The following C11orf65 variants were observed in gnomAD, a reference collection of about 807,000 sequenced individuals.
C11orf65 encodes the protein chromosome 11 open reading frame 65.
In C11orf65, 38 loss-of-function variants were observed where a neutral mutation model predicts 35.3. The ratio of observed to expected loss-of-function variants is 1.08; its 90% CI spans 0.83 to 1.41. C11orf65 has a LOEUF of 1.41. C11orf65 is among the 40% of genes most tolerant of loss of function. The pLI is 0.00. For synonymous variants in C11orf65, 105 were observed against 114.4 expected (o/e 0.92, Z 0.53); for missense variants, 370 against 367.1 (o/e 1.01, Z -0.06).
At chr11:108,401,063 T>C (rs1177002849) in intron 6 of C11orf65, among the ~76,000 whole-genome samples, 1 of 151,640 alleles carries the variant, frequency 6.6e-6, no homozygotes, top group Non-Finnish European at 1.5e-5. Flanking sequence ...GAGCCGAGAT[T>C]GCGCCACTGC....
At chr11:108,323,854 A>G (rs898675593) in intron 6 of C11orf65, among the ~76,000 whole-genome samples, 20 of 152,190 alleles carry the variant, frequency 1.3e-4, no homozygotes, top group African/African-American at 4.6e-4. Context: ...CAACCAAAAC[A>G]TTAAATAATA....
At chr11:108,448,218 G>A (rs900130804) in intron 2 of C11orf65, among the ~76,000 whole-genome samples, 1 of 152,200 alleles carries the variant, frequency 6.6e-6, no homozygotes, top group African/African-American at 2.4e-5. Flanking sequence ...AGGAGGAACT[G>A]GTACCATTCC....
At chr11:108,444,318 A>G (rs757313218) in intron 2 of C11orf65, among the ~76,000 whole-genome samples, 4 of 152,142 alleles carry the variant, frequency 2.6e-5, no homozygotes, top group Non-Finnish European at 5.9e-5. Flanking sequence ...AATTGAGGCA[A>G]TAATTAATAG....
Position 108,310,331 on chromosome 11 carries a change from AT to A in C11orf65, c.641-1261del, listed in dbSNP as rs1350577892. ...AAGAGAAAAGGTAATGGAATTTAGA[AT>A]TTTTGGTTTTTAAAATTAATGTTGG... On this transcript the variant is annotated intron_variant, in intron 6 of 6. Transcript: ENST00000525729. The A allele has an allele frequency of 4.3e-6, 7 of 1,610,140 alleles. No homozygotes were observed. In the African/African-American group the frequency reaches 8.0e-5, roughly 18 times the overall value.
intron 1 of C11orf65, among the ~76,000 whole-genome samples, chr11:108,465,510 T>TA (rs1421372365): frequency 6.6e-6 from 1 of 152,126 alleles, no homozygotes; most frequent in Non-Finnish European, 1.5e-5. Flanking sequence ...TTTGGCCAGA[T>TA]AAAGTCACTA....
At chr11:108,319,287 C>G (rs1313546568) in intron 6 of C11orf65, among the ~76,000 whole-genome samples, 2 of 152,134 alleles carry the variant, frequency 1.3e-5, no homozygotes, top group Non-Finnish European at 2.9e-5. Context: ...CGAGTTGATT[C>G]TTGCTTGCCT....
intron 2 of C11orf65, among the ~76,000 whole-genome samples, chr11:108,370,963 G>A (rs891778108): frequency 1.3e-5 from 2 of 152,044 alleles, no homozygotes; most frequent in African/African-American, 4.8e-5. Flanking sequence ...AGAAAAATCA[G>A]TAATAAAATC....
At chr11:108,457,955 C>G (rs1404737588) in intron 2 of C11orf65, among the ~76,000 whole-genome samples, 1 of 151,994 alleles carries the variant, frequency 6.6e-6, no homozygotes, top group East Asian at 1.9e-4. Flanking sequence ...CTCTTCACAT[C>G]TTAGAACAAT....
intron 6 of C11orf65, among the ~76,000 whole-genome samples, chr11:108,401,160 C>G (rs946374890): frequency 1.3e-5 from 2 of 151,786 alleles, no homozygotes; most frequent in African/African-American, 4.8e-5. Flanking sequence ...CTCCCCTCAC[C>G]AAGCTATTAC....
In C11orf65 at chr11:108,345,912, ATCT is replaced by A. The variant is rs1064794534; in HGVS notation, c.227-10623_227-10621del. On this transcript the variant is annotated intron_variant, in intron 2 of 3. Coordinates refer to the C11orf65 transcript ENST00000524755. ...AGTGTAGCTACTTCTTCTATTGGTA[ATCT>A]TCTTGTACATATAGTAGATTGAGCA... 4 of 1,613,474 alleles carry A rather than the reference ATCT, an allele frequency of 2.5e-6. No individual in the cohort carries two copies. Among genetic ancestry groups the A allele is most frequent in the Admixed American group, 1.7e-5 (1 of 59,988 alleles).
rs151090963 is a variant in C11orf65 at position 108,393,088 on chromosome 11, C to T, written c.731+120G>A. 222 of 1,083,028 alleles carry T rather than the reference C, an allele frequency of 2.0e-4. 2 individuals are homozygous for T. The East Asian group carries it at 4.4e-3, about 21-fold the overall frequency. 67.1% of individuals were successfully genotyped at this position (1,083,028 alleles called of 1,614,324 possible). ...TCTTTCTAGACAAATAATAGATACTCGGGTTTTTTTTTTCTTTGAAGATTG... is the reference window on the plus strand; with the variant it reads ...TCTTTCTAGACAAATAATAGATACTTGGGTTTTTTTTTTCTTTGAAGATTG... On this transcript the variant is annotated intron_variant, in intron 7 of 8. Transcript: ENST00000393084.
At chr11:108,436,885 T>C (rs2093067408) in intron 2 of C11orf65, among the ~76,000 whole-genome samples, 1 of 152,136 alleles carries the variant, frequency 6.6e-6, no homozygotes, top group Admixed American at 6.5e-5. Context: ...TGTGATAATA[T>C]TCTTTGAAAA....
At chr11:108,460,931 G>A (rs1354682364) in intron 2 of C11orf65, among the ~76,000 whole-genome samples, 6 of 151,856 alleles carry the variant, frequency 4.0e-5, no homozygotes, top group African/African-American at 1.2e-4. Flanking sequence ...CTCCATGTTC[G>A]TCAGGCTGGT....
At chr11:108,343,066 G>A (rs951513679) in intron 2 of C11orf65, among the ~76,000 whole-genome samples, 1 of 152,090 alleles carries the variant, frequency 6.6e-6, no homozygotes, top group Non-Finnish European at 1.5e-5. Context: ...GTTTATTTCC[G>A]ATTGGTTTCC....
chr11:108,385,550 C>T (rs143845227), intron 8 of C11orf65, among the ~76,000 whole-genome samples: 9 of 152,060 alleles, frequency 5.9e-5, no homozygotes, highest in East Asian at 3.9e-4. Flanking sequence ...GGTGTGGTGG[C>T]GGGTGCCTGT....
chr11:108,437,272 G>C (rs1038047533), intron 2 of C11orf65, among the ~76,000 whole-genome samples: 1 of 152,014 alleles, frequency 6.6e-6, no homozygotes, highest in African/African-American at 2.4e-5. Context: ...GGGTGACAGA[G>C]CAAGAACTTG....
In C11orf65 at chr11:108,338,276, G is replaced by T. The variant is rs140746862; in HGVS notation, c.227-2984C>A. Among the ~76,000 whole-genome samples the T allele has an allele frequency of 8.1e-3, 1,223 of 151,708 alleles. 8 individuals are homozygous for T. The highest frequency in any genetic ancestry group is 0.025 in the African/African-American group (1,048 of 41,338). ...TGAGGTGAGAGAATCACTTAAACCC[G>T]GATGGCAGAGGTTGCAGTTGAGCCG... is the stretch of plus-strand genomic sequence containing the variant. On this transcript the variant is annotated intron_variant, in intron 2 of 3. Transcript: ENST00000524755.
In C11orf65 at chr11:108,427,895, A is replaced by T. The variant is rs1164379165; in HGVS notation, c.174+3851T>A. ...GCCCAGGCTGGAGTGCAGTGGCGGGATCTCGGCTCACTGCAAGCTCCGCCT... is the reference window on the plus strand; with the variant it reads ...GCCCAGGCTGGAGTGCAGTGGCGGGTTCTCGGCTCACTGCAAGCTCCGCCT... On this transcript the variant is annotated intron_variant, in intron 3 of 8. Transcript: ENST00000393084. 1.6e-3 allele frequency among the ~76,000 whole-genome samples: 142 copies of T among 89,782 alleles called. 1 individual carries two copies. Among genetic ancestry groups the T allele is most frequent in the African/African-American group, 6.3e-3 (139 of 22,122 alleles). The allele number at this position is 89,782 out of a possible 152,430, so 58.9% of individuals were successfully genotyped here.
At chr11:108,393,061 GTTCT>G (rs2092204014) in intron 7 of C11orf65, 143 bp downstream of exon 7, 2 of 835,478 alleles carry the variant, frequency 2.4e-6, no homozygotes, top group African/African-American at 3.4e-5. Context: ...GTCTTCTTCT[GTTCT>G]TTCTAGACAA....
Sources: allele counts gnomAD v4.1 joint callset (sites outside exome capture counted in the v4.1 genomes callset), GRCh38; gene constraint gnomAD v4.1.1; transcripts MANE v1.5; gene names NCBI Gene and HGNC (gene_info 2026-07-23, HGNC 2026-07-21).